Variants in TMEM94 observed in about 807,000 individuals in gnomAD.
The protein encoded by TMEM94 is transmembrane protein 94, also known as ER Mg2+ ATPase.
TMEM94 carries 81 observed loss-of-function variants against 158.6 expected under a neutral mutation model. The observed-to-expected ratio is 0.51, with a 90% CI of 0.43 to 0.61. TMEM94 has a LOEUF of 0.61. Ranked by LOEUF, TMEM94 falls within the 20% of genes least tolerant of loss-of-function variation. The pLI is 0.00. For missense variants in TMEM94, 1,435 were observed against 1,762.0 expected (o/e 0.81, Z 3.32); for synonymous variants, 751 against 730.7 (o/e 1.03, Z -0.45).
chr17:75,495,843 G>A lies in TMEM94; in HGVS notation c.2945-123G>A. 1 of 823,672 alleles carries A rather than the reference G, an allele frequency of 1.2e-6. No individual in the cohort carries two copies. Among genetic ancestry groups the A allele is most frequent in the Non-Finnish European group, 2.0e-6 (1 of 507,036 alleles). 51.0% of individuals were successfully genotyped at this position (823,672 alleles called of 1,614,324 possible). On this transcript the variant is annotated intron_variant, in intron 22 of 31. Transcript: ENST00000314256. The surrounding 1 kb of genome is among the most constrained non-coding windows in gnomAD (Gnocchi z 5.6). ...TCACATGATCCCGCTGCCGGGGGTG[G>A]GATTGTTTCAAAGAGGGGCCCACCT...
intron 1 of TMEM94, among the ~76,000 whole-genome samples, chr17:75,470,832 T>A (rs570989646): frequency 3.0e-4 from 46 of 151,110 alleles, no homozygotes; most frequent in Middle Eastern, 6.9e-3. Context: ...GACAGGAGAA[T>A]CACTTGAGCC....
In TMEM94 at chr17:75,465,185, A is replaced by C. The variant is rs925799577; in HGVS notation, c.-106-6615A>C. Among the ~76,000 whole-genome samples, 11 of 151,268 alleles carry C rather than the reference A, an allele frequency of 7.3e-5. No homozygotes were observed. In the South Asian group the frequency reaches 2.1e-3, roughly 29 times the overall value. ...GTATTGGTCTCTCGTTGTGGTTTTA[A>C]ATTTTTTTGTAAGACAGGGTCTTGC... On this transcript the variant is annotated intron_variant, in intron 1 of 31. Transcript: ENST00000314256.
At chr17:75,477,530 T>G (rs1487090259) in intron 2 of TMEM94, among the ~76,000 whole-genome samples, 1 of 152,000 alleles carries the variant, frequency 6.6e-6, no homozygotes, top group African/African-American at 2.4e-5. Context: ...GTTACAGGCA[T>G]GAGCCACCAT....
intron 2 of TMEM94, chr17:75,476,435 G>A (rs1241016811): frequency 5.3e-6 from 4 of 753,326 alleles, no homozygotes; most frequent in East Asian, 4.4e-5. Flanking sequence ...CCTCCCTCCC[G>A]CCCTTCCAGG....
Position 75,498,297 on chromosome 17 carries a change from C to T in TMEM94, c.3612C>T (p.Thr1204=). The T allele has an allele frequency of 6.2e-7, 1 of 1,613,326 alleles. No homozygotes were observed. Among genetic ancestry groups the T allele is most frequent in the Non-Finnish European group, 8.5e-7 (1 of 1,180,018 alleles). Residue 1204 remains threonine (T), a synonymous_variant, in exon 28 of 32, where the codon ACC becomes ACT. Coordinates refer to ENST00000314256, the MANE Select transcript of TMEM94 (RefSeq NM_014738.6). This position sits in a 1 kb window ranked among gnomAD's most constrained non-coding sequence, Gnocchi z 6.7. ...ACAGCTCCCGGGACCGCAACCTCAC[C>T]AACTGCTCCTCCGTCATGCTGCCCA... ...FCDSSRDRNL[T]NCSSVMLPSN...
intron 11 of TMEM94, 82 bp downstream of exon 11, chr17:75,490,840 C>G (rs999617507): frequency 3.0e-6 from 4 of 1,340,136 alleles, no homozygotes; most frequent in Non-Finnish European, 3.2e-6. Flanking sequence ...GGCCTTAAAG[C>G]CTCCAACCAG....
Position 75,462,001 on chromosome 17 carries a change from G to T in TMEM94, c.-107+5250G>T, listed in dbSNP as rs112013771. On this transcript the variant is annotated intron_variant, in intron 1 of 31. Coordinates refer to ENST00000314256, the MANE Select transcript of TMEM94 (RefSeq NM_014738.6). ...TAAATTTTACAGTTTTTTTTGTTTT[G>T]TTTTGTTTTGTTTTTTTTTTTTTTG... 5.0e-3 allele frequency among the ~76,000 whole-genome samples: 427 copies of T among 85,540 alleles called. 3 individuals carry two copies. Among genetic ancestry groups the T allele is most frequent in the African/African-American group, 0.012 (201 of 17,458 alleles). 56.1% of individuals were successfully genotyped at this position (85,540 alleles called of 152,430 possible). A position where few individuals can be genotyped will look rare whatever the true frequency, so the allele number is the denominator to read the frequency against.
intron 2 of TMEM94, chr17:75,476,850 G>A: frequency 6.8e-7 from 1 of 1,481,252 alleles, no homozygotes; most frequent in Non-Finnish European, 9.0e-7. Context: ...TGAAGACAAT[G>A]CAAAATGGGA....
At position 75,492,456 on chromosome 17, in the gene TMEM94, C is replaced by A. The variant is rs143441188; in HGVS notation, c.1597-18C>A. The A allele has an allele frequency of 3.2e-6, 5 of 1,560,876 alleles. No individual in the cohort carries two copies. The highest frequency in any genetic ancestry group is 4.3e-6 in the Non-Finnish European group (5 of 1,149,856). On this transcript the variant is annotated intron_variant, in intron 14 of 31. Transcript: ENST00000314256. This position sits in a 1 kb window ranked among gnomAD's most constrained non-coding sequence, Gnocchi z 4.4. The stretch of plus-strand genomic sequence containing the variant: ...ACACCCTATCCCGGGCTGAGGCTCT[C>A]CTCCACATTTCCCCCAGACCCAGCC...
chr17:75,479,298 CA>C (rs1031478605), intron 2 of TMEM94, among the ~76,000 whole-genome samples: 6 of 150,600 alleles, frequency 4.0e-5, no homozygotes, highest in South Asian at 4.2e-4. Flanking sequence ...CTCATGTCTA[CA>C]AAAAAAAATT....
At chr17:75,467,026 G>A (rs1439029932) in intron 1 of TMEM94, among the ~76,000 whole-genome samples, 1 of 147,824 alleles carries the variant, frequency 6.8e-6, no homozygotes, top group Non-Finnish European at 1.5e-5. Context: ...CCAGGCTGGA[G>A]TGCAATGATG....
At chr17:75,488,675 A>C (rs2051848093) in intron 6 of TMEM94, 84 bp from the exon 7 acceptor site, 21 of 1,504,720 alleles carry the variant, frequency 1.4e-5, no homozygotes, top group Non-Finnish European at 1.8e-5. Flanking sequence ...ACCCCAGCGA[A>C]TGTCTGTACT....
At chr17:75,479,424 A>G (rs915598625) in intron 2 of TMEM94, among the ~76,000 whole-genome samples, 1 of 152,062 alleles carries the variant, frequency 6.6e-6, no homozygotes, top group Non-Finnish European at 1.5e-5. Flanking sequence ...GGTTCAAGCG[A>G]TTCCCCTGCC....
rs1230233393 is a variant in TMEM94 at position 75,462,001 on chromosome 17, G to GTTTTTTTTTTT, written c.-107+5254_-107+5255insTTTTTTTTTTT. Among the ~76,000 whole-genome samples, 40 of 85,686 alleles carry GTTTTTTTTTTT rather than the reference G, an allele frequency of 4.7e-4. 8 individuals carry two copies. The highest frequency in any genetic ancestry group is 6.2e-4 in the Non-Finnish European group (30 of 48,616). 56.2% of individuals were successfully genotyped at this position (85,686 alleles called of 152,430 possible). A position where few individuals can be genotyped will look rare whatever the true frequency, so the allele number is the denominator to read the frequency against. On this transcript the variant is annotated intron_variant, in intron 1 of 31. Transcript: ENST00000314256. ...TAAATTTTACAGTTTTTTTTGTTTT[G>GTTTTTTTTTTT]TTTTGTTTTGTTTTTTTTTTTTTTG...
At position 75,487,138 on chromosome 17, in the gene TMEM94, A is replaced by G. The variant is rs1352223976; in HGVS notation, c.409+712A>G. On this transcript the variant is annotated intron_variant, in intron 5 of 31. Transcript: ENST00000314256. This position sits in a 1 kb window ranked among gnomAD's most constrained non-coding sequence, Gnocchi z 4.6. The stretch of plus-strand genomic sequence containing the variant: ...GCCAGGCACTGGGAGTGCAATGGTG[A>G]TGGCAAAAGATGGGCCCTGCTTTCC... The G allele has an allele frequency of 6.6e-6, 1 of 152,510 alleles. No homozygotes were observed. Among genetic ancestry groups the G allele is most frequent in the Non-Finnish European group, 1.5e-5 (1 of 68,274 alleles). 9.4% of individuals were successfully genotyped at this position (152,510 alleles called of 1,614,324 possible).
At chr17:75,471,668 C>G (rs2146240151) in intron 1 of TMEM94, 132 bp from the exon 2 acceptor site, 2 of 427,752 alleles carry the variant, frequency 4.7e-6, no homozygotes, top group African/African-American at 2.1e-5. Context: ...GAGCCGAGAT[C>G]GCGCCACTGC....
Position 75,498,755 on chromosome 17 carries a change from G to A in TMEM94, c.3827+33G>A. 6.5e-7 allele frequency: 1 copy of A among 1,537,622 alleles called. No homozygotes were observed. The highest frequency in any genetic ancestry group is 8.8e-7 in the Non-Finnish European group (1 of 1,140,590). ...TTGCTAGGATGGAGGGCGGAGTGTG[G>A]GCTGGGGAGGAGAGGGCCTTCTGCA... On this transcript the variant is annotated intron_variant, in intron 30 of 31. Transcript: ENST00000314256. This position sits in a 1 kb window ranked among gnomAD's most constrained non-coding sequence, Gnocchi z 6.7.
At position 75,491,544 on chromosome 17, in the gene TMEM94, C is replaced by T. The variant is rs528551758; in HGVS notation, c.1386+89C>T. The T allele has an allele frequency of 5.4e-5, 86 of 1,597,352 alleles. No homozygotes were observed. In the East Asian group the frequency reaches 1.4e-3, roughly 26 times the overall value. On this transcript the variant is annotated intron_variant, in intron 13 of 31. Coordinates refer to ENST00000314256, the MANE Select transcript of TMEM94 (RefSeq NM_014738.6). The surrounding 1 kb of genome is among the most constrained non-coding windows in gnomAD (Gnocchi z 5.1). ...AGCCTGGCCAGGGAGGGTGAGGTTTCGGAGGGCGAAGGAGGGTTTGGGCAC... is the reference window on the plus strand; with the variant it reads ...AGCCTGGCCAGGGAGGGTGAGGTTTTGGAGGGCGAAGGAGGGTTTGGGCAC...
At position 75,495,847 on chromosome 17, in the gene TMEM94, T is replaced by C. The variant is rs1312776573; in HGVS notation, c.2945-119T>C. 2 of 832,490 alleles carry C rather than the reference T, an allele frequency of 2.4e-6. No homozygotes were observed. The highest frequency in any genetic ancestry group is 3.4e-5 in the African/African-American group (2 of 58,900). The allele number at this position is 832,490 out of a possible 1,614,324, so 51.6% of individuals were successfully genotyped here. Reference sequence around the variant, plus strand: ...ATGATCCCGCTGCCGGGGGTGGGATTGTTTCAAAGAGGGGCCCACCTCCCA... The same window carrying C: ...ATGATCCCGCTGCCGGGGGTGGGATCGTTTCAAAGAGGGGCCCACCTCCCA... On this transcript the variant is annotated intron_variant, in intron 22 of 31. Coordinates refer to ENST00000314256, the MANE Select transcript of TMEM94 (RefSeq NM_014738.6). The surrounding 1 kb of genome is among the most constrained non-coding windows in gnomAD (Gnocchi z 5.6).
Sources: allele counts gnomAD v4.1 joint callset (sites outside exome capture counted in the v4.1 genomes callset), GRCh38; gene constraint gnomAD v4.1.1; non-coding constraint Gnocchi (gnomAD v3.1); transcripts MANE v1.5; gene names NCBI Gene and HGNC (gene_info 2026-07-23, HGNC 2026-07-21).